The following CADM2 variants were observed in gnomAD, a reference collection of about 807,000 sequenced individuals.
The protein encoded by CADM2 is immunoglobulin superfamily member 4D.
A neutral mutation model predicts 49.8 loss-of-function variants in CADM2; 12 were observed. The ratio of observed to expected loss-of-function variants is 0.24; its 90% CI spans 0.15 to 0.39. The LOEUF is 0.39. Ranked by LOEUF, CADM2 falls within the 10% of genes least tolerant of loss-of-function variation. CADM2 has a pLI of 1.00. For missense variants in CADM2, 378 were observed against 492.3 expected (o/e 0.77, Z 2.20); for synonymous variants, 214 against 175.4 (o/e 1.22, Z -1.74).
At chr3:85,533,067 T>G (rs2061351811) in intron 1 of CADM2, among the ~76,000 whole-genome samples, 1 of 152,132 alleles carries the variant, frequency 6.6e-6, no homozygotes, top group Non-Finnish European at 1.5e-5. Flanking sequence ...ACTTAATACT[T>G]GGGTGTTTAA....
At chr3:85,171,877 T>C (rs753256823) in intron 1 of CADM2, among the ~76,000 whole-genome samples, 36 of 152,206 alleles carry the variant, frequency 2.4e-4, no homozygotes, top group Non-Finnish European at 4.6e-4. Context: ...ATACATTATA[T>C]ACTGTACCAA....
At chr3:85,941,250 A>T (rs1721857331) in intron 7 of CADM2, among the ~76,000 whole-genome samples, 1 of 152,106 alleles carries the variant, frequency 6.6e-6, no homozygotes, top group Non-Finnish European at 1.5e-5. Context: ...CCAACTCAGA[A>T]GTCTTACTTA....
intron 1 of CADM2, 68 bp downstream of exon 1, chr3:84,959,736 A>G (rs2030266539): frequency 8.0e-6 from 11 of 1,369,850 alleles, no homozygotes; most frequent in Middle Eastern, 1.8e-4. Context: ...ATTCCACCCC[A>G]TATTTCCACT....
chr3:85,482,104 C>T (rs1245256058), intron 1 of CADM2, among the ~76,000 whole-genome samples: 2 of 151,528 alleles, frequency 1.3e-5, no homozygotes, highest in Non-Finnish European at 3.0e-5. Context: ...AAAATGTTTA[C>T]CGAAATTCAA....
rs1358039627 is a variant in CADM2, at chr3:86,070,948, A to G, written c.*4165A>G. The G allele has an allele frequency of 6.6e-6, 1 of 151,918 alleles. No homozygotes were observed. The highest frequency in any genetic ancestry group is 1.5e-5 in the Non-Finnish European group (1 of 67,816). The allele number at this position is 151,918 out of a possible 1,614,324, so 9.4% of individuals were successfully genotyped here. On this transcript the variant is annotated 3_prime_UTR_variant, in exon 10 of 10. Transcript: ENST00000383699. ...TCTGCAGTTCTATTGCTGGATACTT[A>G]ATGCAAAGGGATTTTAAAGAATTCT...
intron 1 of CADM2, among the ~76,000 whole-genome samples, chr3:85,282,694 A>G (rs957540223): frequency 2.6e-5 from 4 of 152,062 alleles, no homozygotes; most frequent in African/African-American, 9.7e-5. Flanking sequence ...TTTGGCTTAC[A>G]ATATTCCTCA....
rs114491324 is a variant in CADM2, at chr3:85,927,225, C to T, written c.701-8542C>T. Reference sequence around the variant, plus strand: ...TTTAATCAGTAGTTGGAAAATATTTCAAAAGACCATTATTCATTTATTTAC... The same window carrying T: ...TTTAATCAGTAGTTGGAAAATATTTTAAAAGACCATTATTCATTTATTTAC... On this transcript the variant is annotated intron_variant, in intron 6 of 9. Coordinates refer to ENST00000383699, the MANE Select transcript of CADM2 (RefSeq NM_001167675.2). Among the ~76,000 whole-genome samples, 1,207 of 152,200 alleles carry T rather than the reference C, an allele frequency of 7.9e-3. 17 individuals carry two copies. The highest frequency in any genetic ancestry group is 0.026 in the African/African-American group (1,063 of 41,520).
rs142146850 is a variant in CADM2 at position 85,207,894 on chromosome 3, C to T, written c.61+248226C>T. Among the ~76,000 whole-genome samples the T allele has an allele frequency of 3.8e-3, 578 of 152,174 alleles. 1 individual carries two copies. Among genetic ancestry groups the T allele is most frequent in the African/African-American group, 0.013 (554 of 41,542 alleles). On this transcript the variant is annotated intron_variant, in intron 1 of 9. Transcript: ENST00000383699. The stretch of plus-strand genomic sequence containing the variant: ...GGGCATAAGAAAGCCCTCCTGTTTC[C>T]TTTCTCCTTTGTTTTGTGTATATTT...
At chr3:86,001,717 A>T (rs573590004) in intron 8 of CADM2, among the ~76,000 whole-genome samples, 10 of 152,286 alleles carry the variant, frequency 6.6e-5, no homozygotes, top group African/African-American at 2.4e-4. Context: ...CTGCAGTAGG[A>T]AACTAGGTGA....
intron 8 of CADM2, among the ~76,000 whole-genome samples, chr3:86,039,806 T>G (rs971052804): frequency 1.3e-5 from 2 of 150,230 alleles, no homozygotes; most frequent in African/African-American, 4.9e-5. Flanking sequence ...CCCTGACCCC[T>G]GAGTAGCCTA....
At chr3:85,263,997 T>C (rs1434136445) in intron 1 of CADM2, among the ~76,000 whole-genome samples, 1 of 152,120 alleles carries the variant, frequency 6.6e-6, no homozygotes, top group East Asian at 1.9e-4. Context: ...TCATTTCTTA[T>C]TTCTACTTTA....
At chr3:85,510,677 C>T (rs1458654496) in intron 1 of CADM2, among the ~76,000 whole-genome samples, 1 of 152,008 alleles carries the variant, frequency 6.6e-6, no homozygotes, top group African/African-American at 2.4e-5. Context: ...TTATTGGATA[C>T]TCACTTAACT....
rs2107809375 is a variant in CADM2 at position 85,229,668 on chromosome 3, A to G, written c.61+270000A>G. On this transcript the variant is annotated intron_variant, in intron 1 of 9. Transcript: ENST00000383699. ...TGTTTTGAGAGTATTGTCTTTGGCTACAAAGATTAATAACAAGGATTGATG... is the reference window on the plus strand; with the variant it reads ...TGTTTTGAGAGTATTGTCTTTGGCTGCAAAGATTAATAACAAGGATTGATG... 1.3e-5 allele frequency among the ~76,000 whole-genome samples: 2 copies of G among 152,348 alleles called. 1 individual carries two copies. The highest frequency in any genetic ancestry group is 4.1e-4 in the South Asian group (2 of 4,830).
chr3:86,037,085 T>C (rs146687390), intron 8 of CADM2, among the ~76,000 whole-genome samples: 1 of 152,332 alleles, frequency 6.6e-6, no homozygotes, highest in African/African-American at 2.4e-5. Context: ...ATGTTTCTTA[T>C]ACATTCAATA....
At chr3:85,167,741 A>C (rs543582264) in intron 1 of CADM2, among the ~76,000 whole-genome samples, 5 of 152,322 alleles carry the variant, frequency 3.3e-5, no homozygotes, top group African/African-American at 9.6e-5. Flanking sequence ...TTTCAAAAAA[A>C]CTTCCTTATC....
rs1559776303 is a variant in CADM2, at chr3:85,973,871, G to T, written c.970+12224G>T. On this transcript the variant is annotated intron_variant, in intron 8 of 9. Coordinates refer to ENST00000383699, the MANE Select transcript of CADM2 (RefSeq NM_001167675.2). The stretch of plus-strand genomic sequence containing the variant: ...GTAGATAAACTCAAAAAGTACAATG[G>T]GTGGTGAAAGGAAATTAGGTGGGCT... 2.6e-5 allele frequency among the ~76,000 whole-genome samples: 4 copies of T among 151,604 alleles called. No homozygotes were observed. In the South Asian group the frequency reaches 8.3e-4, roughly 31 times the overall value.
At chr3:85,027,048 T>C (rs142102982) in intron 1 of CADM2, among the ~76,000 whole-genome samples, 1 of 151,530 alleles carries the variant, frequency 6.6e-6, no homozygotes, top group East Asian at 1.9e-4. Context: ...TATATATTCA[T>C]GTGATGCTTT....
At chr3:86,065,826 A>G (rs2107436659) in intron 9 of CADM2, 96 bp downstream of exon 9, 1 of 1,182,132 alleles carries the variant, frequency 8.5e-7, no homozygotes, top group Non-Finnish European at 1.2e-6. Context: ...GTTTCTGTAC[A>G]TGTGTAGAAT....
chr3:86,022,402 A>C (rs1409670401), intron 8 of CADM2, among the ~76,000 whole-genome samples: 3 of 152,072 alleles, frequency 2.0e-5, no homozygotes, highest in African/African-American at 7.2e-5. Context: ...AGTGCATTCT[A>C]TCTCTCTCCT....
Sources: gnomAD v4.1 joint callset for allele counts (sites outside exome capture counted in the v4.1 genomes callset) on GRCh38, gnomAD v4.1.1 for gene constraint, MANE v1.5 for transcripts, NCBI Gene and HGNC (gene_info 2026-07-23, HGNC 2026-07-21) for gene names.